Variants in FUT8 observed in about 807,000 individuals in gnomAD.
FUT8 encodes the protein fucosyltransferase 8.
Under a neutral mutation model 71.3 loss-of-function variants are expected in FUT8, and 29 were observed. That is an observed-to-expected ratio of 0.41 (90% CI 0.30 to 0.55). FUT8 has a LOEUF of 0.55. Ranked by LOEUF, FUT8 falls within the 20% of genes least tolerant of loss-of-function variation. The pLI is 0.34. For synonymous variants in FUT8, 254 were observed against 239.3 expected (o/e 1.06, Z -0.57); for missense variants, 544 against 702.1 (o/e 0.77, Z 2.55).
the FUT8 span, among the ~76,000 whole-genome samples, chr14:65,387,602 G>T: frequency 6.6e-6 from 1 of 152,264 alleles, no homozygotes; most frequent in African/African-American, 2.4e-5. Flanking sequence ...TGTAAATTCA[G>T]GACTCCGCCT....
chr14:65,650,169 C>G lies in FUT8; in HGVS notation c.598-19074C>G, dbSNP rs543782114. Among the ~76,000 whole-genome samples the G allele has an allele frequency of 5.6e-4, 85 of 151,778 alleles. 1 individual carries two copies. Among genetic ancestry groups the G allele is most frequent in the East Asian group, 1.7e-3 (9 of 5,164 alleles). ...AAAAAATTAGCCGGGCGTGGTGGCA[C>G]GCGCCTGTAATCCCAGCTACTCGGG... On this transcript the variant is annotated intron_variant, in intron 6 of 10. Coordinates refer to ENST00000673929, the MANE Select transcript of FUT8 (RefSeq NM_001371533.1).
chr14:65,614,675 A>C (rs1041876067), intron 3 of FUT8, among the ~76,000 whole-genome samples: 4 of 152,224 alleles, frequency 2.6e-5, no homozygotes, highest in Non-Finnish European at 5.9e-5. Context: ...GCTAACAGCC[A>C]CATAACCTTT....
intron 3 of FUT8, among the ~76,000 whole-genome samples, chr14:65,595,751 G>A (rs573526863): frequency 3.4e-4 from 51 of 151,874 alleles, no homozygotes; most frequent in Middle Eastern, 3.4e-3. Flanking sequence ...TGGTATTACA[G>A]GCACCCGCCA....
chr14:65,733,166 A>G (rs1896058537), intron 9 of FUT8, 65 bp from the exon 10 acceptor site: 13 of 979,826 alleles, frequency 1.3e-5, no homozygotes, highest in Non-Finnish European at 1.8e-5. Context: ...TCAAAGGAGA[A>G]AGTCTGCCTT....
chr14:65,650,298 C>CAAAAAAAAAAAAAAAA (rs869168766), intron 6 of FUT8, among the ~76,000 whole-genome samples: 1 of 39,696 alleles, frequency 2.5e-5, no homozygotes, highest in African/African-American at 1.3e-4. Flanking sequence ...GACTCTGTCT[C>CAAAAAAAAAAAAAAAA]AAAAAAAAAA....
chr14:65,692,498 C>A (rs1215956012), intron 7 of FUT8, among the ~76,000 whole-genome samples: 71 of 35,272 alleles, frequency 2.0e-3, no homozygotes, highest in Non-Finnish European at 2.8e-3. Context: ...GCTGGCCGGG[C>A]GGGGGGCTGA....
chr14:65,650,223 T>C (rs1361551809), intron 6 of FUT8, among the ~76,000 whole-genome samples: 7 of 125,280 alleles, frequency 5.6e-5, no homozygotes, highest in South Asian at 2.6e-4. Flanking sequence ...GGCGTGAACC[T>C]GGGAGGCGGA....
chr14:65,621,822 A>G (rs1055044030), intron 5 of FUT8, among the ~76,000 whole-genome samples: 2 of 151,284 alleles, frequency 1.3e-5, no homozygotes, highest in African/African-American at 2.4e-5. Flanking sequence ...TGGCCTCCCA[A>G]AGTTGTTCCT....
At chr14:65,379,407 G>A in the FUT8 span, among the ~76,000 whole-genome samples, 87 of 152,034 alleles carry the variant, frequency 5.7e-4, no homozygotes, top group Non-Finnish European at 1.1e-3. Context: ...GGTGCACACC[G>A]TGGTCCCAGC....
intron 3 of FUT8, among the ~76,000 whole-genome samples, chr14:65,586,117 A>G (rs991104313): frequency 6.6e-6 from 1 of 152,216 alleles, no homozygotes; most frequent in Admixed American, 6.5e-5. Flanking sequence ...GGAGAAACAC[A>G]TCCTCAGGTC....
chr14:65,393,113 C>T, the FUT8 span, among the ~76,000 whole-genome samples: 35 of 152,174 alleles, frequency 2.3e-4, no homozygotes, highest in East Asian at 1.5e-3. Flanking sequence ...AAGTAGGATG[C>T]GACTAGGGGT....
At chr14:65,362,977 AAAAAAAG>A in the FUT8 span, among the ~76,000 whole-genome samples, 5 of 145,714 alleles carry the variant, frequency 3.4e-5, no homozygotes, top group Admixed American at 7.0e-5. Context: ...AAAAAAAAAA[AAAAAAAG>A]AGAAGAAATT....
intron 2 of FUT8, among the ~76,000 whole-genome samples, chr14:65,496,760 G>A (rs2066565918): frequency 1.3e-5 from 2 of 152,080 alleles, no homozygotes; most frequent in South Asian, 4.1e-4. Flanking sequence ...ATGGACTCTG[G>A]CCATGATTTT....
At chr14:65,659,709 G>T (rs371099686) in intron 6 of FUT8, among the ~76,000 whole-genome samples, 2 of 150,834 alleles carry the variant, frequency 1.3e-5, no homozygotes, top group Non-Finnish European at 3.0e-5. Flanking sequence ...CTCTTCTCTC[G>T]TCCGCCTTTC....
At chr14:65,587,122 G>T (rs1416350254) in intron 3 of FUT8, among the ~76,000 whole-genome samples, 1 of 151,446 alleles carries the variant, frequency 6.6e-6, no homozygotes, top group African/African-American at 2.4e-5. Flanking sequence ...CCGGGAGGCG[G>T]AGCTTGCAAT....
At chr14:65,569,405 A>G (rs1317058215) in intron 3 of FUT8, among the ~76,000 whole-genome samples, 1 of 151,518 alleles carries the variant, frequency 6.6e-6, no homozygotes, top group Non-Finnish European at 1.5e-5. Flanking sequence ...TTCATGATCT[A>G]ATTTCTCTTT....
intron 9 of FUT8, among the ~76,000 whole-genome samples, chr14:65,728,420 A>G (rs1044738629): frequency 3.6e-4 from 55 of 152,252 alleles, no homozygotes; most frequent in Admixed American, 2.0e-3. Context: ...GAGCTTGTGC[A>G]GGGAAACTCC....
At chr14:65,634,812 G>A (rs551460124) in intron 6 of FUT8, among the ~76,000 whole-genome samples, 52 of 152,042 alleles carry the variant, frequency 3.4e-4, no homozygotes, top group Non-Finnish European at 6.6e-4. Flanking sequence ...TTGACTATGC[G>A]GACTCTTTTT....
chr14:65,710,053 G>A (rs1156597022), intron 7 of FUT8, among the ~76,000 whole-genome samples: 1 of 152,160 alleles, frequency 6.6e-6, no homozygotes, highest in Non-Finnish European at 1.5e-5. Context: ...AAGAGGAAAA[G>A]CAGTTATTAC....
Sources: allele counts gnomAD v4.1 joint callset (sites outside exome capture counted in the v4.1 genomes callset), GRCh38; gene constraint gnomAD v4.1.1; transcripts MANE v1.5; gene names NCBI Gene and HGNC (gene_info 2026-07-23, HGNC 2026-07-21).